The following LTK variants were observed in gnomAD, a reference collection of about 807,000 sequenced individuals.
LTK encodes leukocyte receptor tyrosine kinase.
A neutral mutation model predicts 101.5 loss-of-function variants in LTK; 117 were observed. That is an observed-to-expected ratio of 1.15 (90% CI 0.99 to 1.34). The LOEUF (loss-of-function observed/expected upper bound fraction) is 1.34, where lower values mean the gene tolerates loss of function less well. Among genes scored for constraint, LTK ranks in the 40% most tolerant of loss-of-function variants. The pLI is 0.00. For synonymous variants in LTK, 563 were observed against 494.2 expected, an observed-to-expected ratio of 1.14 and a Z score of -1.85; for missense variants, 1,252 against 1,164.7, an observed-to-expected ratio of 1.07 and a Z score of -1.09.
chr15:41,513,740 C>G lies in LTK; in HGVS notation c.-31G>C, dbSNP rs202179022. 6.2e-6 allele frequency: 10 copies of G among 1,607,328 alleles called. No homozygotes were observed. In the African/African-American group the frequency reaches 1.3e-4, roughly 21 times the overall value. ...TTGGGTCCACCCGGCAACAAAAGCC[C>G]TTGCGGTCGCGGCCACACCCCTGTC... On this transcript the variant is annotated 5_prime_UTR_variant, in exon 1 of 20. Coordinates refer to ENST00000263800, the MANE Select transcript of LTK (RefSeq NM_002344.6).
rs755362316 is a variant in LTK at position 41,512,292 on chromosome 15, G to A, written c.360-27C>T. The A allele has an allele frequency of 2.1e-5, 34 of 1,601,496 alleles. No individual in the cohort carries two copies. The Admixed American group carries it at 5.1e-4, about 24-fold the overall frequency. ...TGCGGGGAACGGACGGTGAGTCCCCGGCCTTCGGTGCTCAGGCCGGCCGCT... is the reference window on the plus strand; with the variant it reads ...TGCGGGGAACGGACGGTGAGTCCCCAGCCTTCGGTGCTCAGGCCGGCCGCT... On this transcript the variant is annotated intron_variant, in intron 3 of 19. Transcript: ENST00000263800.
At chr15:41,509,515 G>C (rs547645986) in intron 7 of LTK, among the ~76,000 whole-genome samples, 4 of 152,324 alleles carry the variant, frequency 2.6e-5, no homozygotes, top group African/African-American at 9.6e-5. Flanking sequence ...CAGTATGTTA[G>C]AGAAGGGCTG....
chr15:41,512,318 C>A, intron 3 of LTK, 53 bp from the exon 4 acceptor site: 1 of 1,575,988 alleles, frequency 6.3e-7, no homozygotes, highest in African/African-American at 1.4e-5. Flanking sequence ...GCCGGCCGCT[C>A]CGGGCAGAAG....
chr15:41,513,718 G>A lies in LTK; in HGVS notation c.-9C>T. ...TGTCCCCAGCAGCCCATCCCTGTTGGGTCCACCCGGCAACAAAAGCCCTTG... is the reference window on the plus strand; with the variant it reads ...TGTCCCCAGCAGCCCATCCCTGTTGAGTCCACCCGGCAACAAAAGCCCTTG... On this transcript the variant is annotated 5_prime_UTR_variant, in exon 1 of 20. Coordinates refer to ENST00000263800, the MANE Select transcript of LTK (RefSeq NM_002344.6). 1.2e-6 allele frequency: 2 copies of A among 1,607,192 alleles called. No individual in the cohort carries two copies. Among genetic ancestry groups the A allele is most frequent in the Admixed American group, 1.7e-5 (1 of 59,492 alleles).
Position 41,511,921 on chromosome 15 carries a change from C to T in LTK, c.553G>A (p.Ala185Thr). 2 of 1,504,460 alleles carry T rather than the reference C, an allele frequency of 1.3e-6. No homozygotes were observed. The highest frequency in any genetic ancestry group is 1.8e-6 in the Non-Finnish European group (2 of 1,142,074). The allele number at this position is 1,504,460 out of a possible 1,614,324, so 93.2% of individuals were successfully genotyped here. A position where few individuals can be genotyped will look rare whatever the true frequency, so the allele number is the denominator to read the frequency against. Residue 185 changes from alanine to threonine, a missense_variant, in exon 5 of 20, where the codon GCC becomes ACC. Transcript: ENST00000263800. This position sits in a 1 kb window ranked among gnomAD's most constrained non-coding sequence, Gnocchi z 5.9. ...TCCATCGCCGCGTGCTCTTCAACGG[C>T]TCGAGACTCCCCGAGGCAGACGAGC... is the stretch of plus-strand genomic sequence containing the variant. ...SQLVCLGESR[A>T]VEEHAAMDGS...
rs773691810 is a variant in LTK at position 41,513,020 on chromosome 15, G to A, written c.144C>T (p.Ala48=). Reference sequence around the variant, plus strand: ...AGGCTGGCTCCAAGATACTAGGCGGGGCGCTGACTTTCGGGTCCCGGGGGC... The same window carrying A: ...AGGCTGGCTCCAAGATACTAGGCGGAGCGCTGACTTTCGGGTCCCGGGGGC... ...SPSPRDPKVS[A]PPSILEPASP... Residue 48 remains alanine (A), a synonymous_variant, in exon 2 of 20, where the codon GCC becomes GCT. Coordinates refer to ENST00000263800, the MANE Select transcript of LTK (RefSeq NM_002344.6). 4 of 1,613,008 alleles carry A rather than the reference G, an allele frequency of 2.5e-6. No individual in the cohort carries two copies. The highest frequency in any genetic ancestry group is 3.4e-6 in the Non-Finnish European group (4 of 1,179,808).
Position 41,503,994 on chromosome 15 carries a change from G to A in LTK, c.*2C>T. 1.3e-6 allele frequency: 2 copies of A among 1,597,964 alleles called. No individual in the cohort carries two copies. The highest frequency in any genetic ancestry group is 1.7e-6 in the Non-Finnish European group (2 of 1,172,328). The stretch of plus-strand genomic sequence containing the variant: ...GTCCTTACCCTCAGGGCCCCTTGGG[G>A]CTCAGGAGCGATAAGTGGGATTCCA... On this transcript the variant is annotated 3_prime_UTR_variant, in exon 20 of 20. Coordinates refer to ENST00000263800, the MANE Select transcript of LTK (RefSeq NM_002344.6).
chr15:41,511,391 G>T lies in LTK; in HGVS notation c.814+31C>A. On this transcript the variant is annotated intron_variant, in intron 6 of 19. Coordinates refer to ENST00000263800, the MANE Select transcript of LTK (RefSeq NM_002344.6). This position sits in a 1 kb window ranked among gnomAD's most constrained non-coding sequence, Gnocchi z 5.9. Reference sequence around the variant, plus strand: ...AGGTTGGCAGCCACACGGGGAGCACGCCCGCCTCTCCCCGCGGCCCGCGCC... The same window carrying T: ...AGGTTGGCAGCCACACGGGGAGCACTCCCGCCTCTCCCCGCGGCCCGCGCC... The T allele has an allele frequency of 7.3e-7, 1 of 1,369,378 alleles. No homozygotes were observed. The highest frequency in any genetic ancestry group is 9.3e-7 in the Non-Finnish European group (1 of 1,070,434). 84.8% of individuals were successfully genotyped at this position (1,369,378 alleles called of 1,614,324 possible).
In LTK at chr15:41,504,003, C is replaced by T. The variant is rs754293000; in HGVS notation, c.2588G>A (p.Arg863His). ...CTCAGGGCCCCTTGGGGCTCAGGAG[C>T]GATAAGTGGGATTCCAAAGGTTCTG... ...QPQNLWNPTYRS is the reference protein window; with the variant it reads ...QPQNLWNPTYHS Residue 863 changes from arginine (R) to histidine (H), a missense_variant, in exon 20 of 20, where the codon CGC (arginine) becomes CAC (histidine). Transcript: ENST00000263800. 1.0e-5 allele frequency: 16 copies of T among 1,602,104 alleles called. No individual in the cohort carries two copies. The Admixed American group carries it at 1.5e-4, about 16-fold the overall frequency.
chr15:41,510,995 G>C (rs905814173), intron 7 of LTK, among the ~76,000 whole-genome samples, 169 bp downstream of exon 7: 1 of 152,226 alleles, frequency 6.6e-6, no homozygotes, highest in South Asian at 2.1e-4. Context: ...CTGATTTGCA[G>C]TGTATTTGAC....
In LTK at chr15:41,509,127, C is replaced by A. The variant is rs745992520; in HGVS notation, c.1000G>T (p.Gly334Cys). Residue 334 changes from glycine to cysteine, a missense_variant and splice_region_variant, in exon 8 of 20, where the codon GGC becomes TGC. By Grantham distance (159) the Gly-to-Cys change is radical. Coordinates refer to ENST00000263800, the MANE Select transcript of LTK (RefSeq NM_002344.6). Reference sequence around the variant, plus strand: ...AGGTTGTCAGTCTCTGAAGCGTCGCCCCCTGGAAGTGGAGAGTGATGGAGA... The same window carrying A: ...AGGTTGTCAGTCTCTGAAGCGTCGCACCCTGGAAGTGGAGAGTGATGGAGA... ...AGGGGGGYRG[G>C]DASETDNLWA... 5 of 1,603,986 alleles carry A rather than the reference C, an allele frequency of 3.1e-6. No individual in the cohort carries two copies. The East Asian group carries it at 8.9e-5, about 29-fold the overall frequency.
rs771020055 is a variant in LTK at position 41,504,800 on chromosome 15, C to T, written c.2093G>A (p.Gly698Asp). 8 of 1,612,834 alleles carry T rather than the reference C, an allele frequency of 5.0e-6. No homozygotes were observed. In the Admixed American group the frequency reaches 1.2e-4, roughly 24 times the overall value. The change falls in exon 17 of 20, where the codon GGC becomes GAC. Residue 698 changes from glycine to aspartate, a missense_variant. Physicochemically the swap from Gly to Asp is moderately conservative, Grantham distance 94. Transcript: ENST00000263800. ...KWMPPEAFLE[G>D]IFTSKTDSWS... ...GGAATCTGTCTTGGATGTGAAGATGCCCTCCAGGAAGGCCTCTGGGGGCAT... is the reference window on the plus strand; with the variant it reads ...GGAATCTGTCTTGGATGTGAAGATGTCCTCCAGGAAGGCCTCTGGGGGCAT...
chr15:41,510,517 A>T (rs532389892), intron 7 of LTK, among the ~76,000 whole-genome samples: 4 of 151,298 alleles, frequency 2.6e-5, no homozygotes, highest in Non-Finnish European at 5.9e-5. Context: ...GCTGAAGTGC[A>T]ATGGAGTGAT....
At chr15:41,512,433 G>C (rs1362894903) in intron 3 of LTK, among the ~76,000 whole-genome samples, 168 bp from the exon 4 acceptor site, 1 of 152,202 alleles carries the variant, frequency 6.6e-6, no homozygotes, top group Non-Finnish European at 1.5e-5. Flanking sequence ...CGAAAAATCA[G>C]ATATTACACT....
At chr15:41,506,659 C>T (rs929297114) in intron 11 of LTK, among the ~76,000 whole-genome samples, 2 of 152,114 alleles carry the variant, frequency 1.3e-5, no homozygotes, top group Non-Finnish European at 2.9e-5. Flanking sequence ...GGCGCAATCT[C>T]GGCTCACCAC....
In LTK at chr15:41,511,633, G is replaced by A; in HGVS notation, c.658-55C>T. ...CGCCCTCCAGCTGTCCAGGGGCACT[G>A]CCACTGGGAGAGGGCTCCCGCCCAG... On this transcript the variant is annotated intron_variant, in intron 5 of 19. Coordinates refer to ENST00000263800, the MANE Select transcript of LTK (RefSeq NM_002344.6). This position sits in a 1 kb window ranked among gnomAD's most constrained non-coding sequence, Gnocchi z 5.9. The A allele has an allele frequency of 1.4e-6, 2 of 1,410,256 alleles. No homozygotes were observed. Among genetic ancestry groups the A allele is most frequent in the Non-Finnish European group, 1.8e-6 (2 of 1,094,078 alleles). The allele number at this position is 1,410,256 out of a possible 1,614,324, so 87.4% of individuals were successfully genotyped here.
Position 41,503,760 on chromosome 15 carries a change from C to T in LTK, c.*236G>A, listed in dbSNP as rs1484791368. The T allele has an allele frequency of 1.3e-5, 8 of 617,338 alleles. No homozygotes were observed. Among genetic ancestry groups the T allele is most frequent in the East Asian group, 2.9e-5 (1 of 34,352 alleles). 38.2% of individuals were successfully genotyped at this position (617,338 alleles called of 1,614,324 possible). On this transcript the variant is annotated 3_prime_UTR_variant, in exon 20 of 20. Coordinates refer to ENST00000263800, the MANE Select transcript of LTK (RefSeq NM_002344.6). ...ATGGACACCTGGGGTGTGTGTAAGGCGGCCTCTGGCCCCAAGATCAAAAGC... is the reference window on the plus strand; with the variant it reads ...ATGGACACCTGGGGTGTGTGTAAGGTGGCCTCTGGCCCCAAGATCAAAAGC...
At position 41,509,205 on chromosome 15, in the gene LTK, A is replaced by G. The variant is rs146837524; in HGVS notation, c.998-76T>C. The stretch of plus-strand genomic sequence containing the variant: ...GAGAAGCTGGAATCTCCCGGTGGAA[A>G]TCCCAGTGTGGCCCTCTCTTCTCCA... On this transcript the variant is annotated intron_variant, in intron 7 of 19. Transcript: ENST00000263800. The G allele has an allele frequency of 2.8e-5, 25 of 884,608 alleles. 1 individual carries two copies. In the East Asian group the frequency reaches 6.1e-4, roughly 21 times the overall value. 54.8% of individuals were successfully genotyped at this position (884,608 alleles called of 1,614,324 possible).
intron 2 of LTK, 28 bp from the exon 3 acceptor site, chr15:41,512,906 G>T (rs2051535558): frequency 1.2e-6 from 2 of 1,607,364 alleles, no homozygotes; most frequent in Admixed American, 1.7e-5. Flanking sequence ...GGCAAGGGTC[G>T]TCGAGCCCCT....
Sources: allele counts gnomAD v4.1 joint callset (sites outside exome capture counted in the v4.1 genomes callset), GRCh38; gene constraint gnomAD v4.1.1; non-coding constraint Gnocchi (gnomAD v3.1); transcripts MANE v1.5; gene names NCBI Gene and HGNC (gene_info 2026-07-23, HGNC 2026-07-21).